Variants in ABCC4 observed in about 807,000 individuals in gnomAD.
ABCC4 encodes the protein ATP binding cassette subfamily C member 4 (PEL blood group).
In ABCC4, 102 loss-of-function variants were observed where a neutral mutation model predicts 168.5. That is an observed-to-expected ratio of 0.61 (90% CI 0.52 to 0.71). The LOEUF is 0.71. ABCC4 is among the 30% of genes least tolerant of loss of function. ABCC4 has a pLI of 0.00. For synonymous variants in ABCC4, 617 were observed against 590.7 expected, an observed-to-expected ratio of 1.04 and a Z score of -0.65; for missense variants, 1,402 against 1,605.8, an observed-to-expected ratio of 0.87 and a Z score of 2.17.
At chr13:95,083,014 T>G in intron 21 of ABCC4, 126 bp downstream of exon 21, 2 of 1,085,860 alleles carry the variant, frequency 1.8e-6, no homozygotes, top group Non-Finnish European at 2.7e-6. Flanking sequence ...GCCAATACGT[T>G]CAATTACCTA....
chr13:95,184,884 C>G (rs4148488), intron 11 of ABCC4, among the ~76,000 whole-genome samples: 14,934 of 152,196 alleles, frequency 0.098, 937 homozygotes, highest in East Asian at 0.21. Context: ...AATTTGCCAT[C>G]TGTTTCTCAA....
At chr13:95,210,130 T>A (rs915586342) in intron 5 of ABCC4, among the ~76,000 whole-genome samples, 1 of 152,230 alleles carries the variant, frequency 6.6e-6, no homozygotes, top group Non-Finnish European at 1.5e-5. Context: ...AAAATGAATA[T>A]GGCCAGCAGC....
intron 13 of ABCC4, among the ~76,000 whole-genome samples, chr13:95,175,544 G>A (rs1384590564): frequency 1.3e-5 from 2 of 152,140 alleles, no homozygotes; most frequent in African/African-American, 4.8e-5. Context: ...AACTCCTCAG[G>A]TGATCTGCCT....
intron 29 of ABCC4, 27 bp from the exon 30 acceptor site, chr13:95,034,766 T>C (rs1442074790): frequency 1.2e-6 from 2 of 1,613,614 alleles, no homozygotes; most frequent in East Asian, 2.2e-5. Flanking sequence ...AGAAACCCAT[T>C]GAAACACAAT....
chr13:95,273,360 C>T (rs755831724), intron 1 of ABCC4, among the ~76,000 whole-genome samples: 10 of 152,142 alleles, frequency 6.6e-5, no homozygotes, highest in African/African-American at 2.2e-4. Context: ...CCTGGATGGG[C>T]GTGGGGTCCC....
chr13:95,078,857 G>C (rs904240131), intron 21 of ABCC4, among the ~76,000 whole-genome samples: 2 of 152,090 alleles, frequency 1.3e-5, no homozygotes, highest in Non-Finnish European at 2.9e-5. Flanking sequence ...CAGAGTCCTG[G>C]AATGAAATTC....
At chr13:95,059,754 T>C (rs1455833851) in intron 26 of ABCC4, among the ~76,000 whole-genome samples, 2 of 152,212 alleles carry the variant, frequency 1.3e-5, no homozygotes, top group African/African-American at 4.8e-5. Flanking sequence ...CAAGTCCTTC[T>C]AGAATAGCGA....
At position 95,277,034 on chromosome 13, in the gene ABCC4, C is replaced by T. The variant is rs149249181; in HGVS notation, c.74+24207G>A. On this transcript the variant is annotated intron_variant, in intron 1 of 30. Coordinates refer to ENST00000645237, the MANE Select transcript of ABCC4 (RefSeq NM_005845.5). ...ACTCAGTCTCAAAAATAAATAAATA[C>T]AATAAATAAATAAACAAAGTATACA... Among the ~76,000 whole-genome samples, 1,341 of 152,166 alleles carry T rather than the reference C, an allele frequency of 8.8e-3. 13 individuals carry two copies. The highest frequency in any genetic ancestry group is 0.015 in the Non-Finnish European group (995 of 67,978).
chr13:95,240,170 G>A (rs188303646), intron 3 of ABCC4, among the ~76,000 whole-genome samples: 1 of 152,202 alleles, frequency 6.6e-6, no homozygotes, highest in Non-Finnish European at 1.5e-5. Flanking sequence ...GTCACAAGAG[G>A]GGAGGAGGGA....
chr13:95,188,813 A>G (rs533094983), intron 9 of ABCC4, among the ~76,000 whole-genome samples: 2 of 152,316 alleles, frequency 1.3e-5, no homozygotes, highest in South Asian at 4.1e-4. Flanking sequence ...CTTCCACAAA[A>G]TTTAGATAGT....
At chr13:95,187,951 G>T (rs1000496398) in intron 10 of ABCC4, among the ~76,000 whole-genome samples, 1 of 152,156 alleles carries the variant, frequency 6.6e-6, no homozygotes, top group Non-Finnish European at 1.5e-5. Flanking sequence ...CTTCTGGAGG[G>T]CAGTGGCGTC....
intron 19 of ABCC4, among the ~76,000 whole-genome samples, chr13:95,121,224 G>A (rs2035560159): frequency 6.6e-6 from 1 of 152,032 alleles, no homozygotes; most frequent in Non-Finnish European, 1.5e-5. Flanking sequence ...CTATAAAATG[G>A]AGCTGATGAT....
chr13:95,199,319 G>A (rs993294743), intron 8 of ABCC4, among the ~76,000 whole-genome samples: 25 of 152,118 alleles, frequency 1.6e-4, no homozygotes, highest in African/African-American at 4.6e-4. Flanking sequence ...ACACATCCAC[G>A]AGAGGCAAGG....
chr13:95,123,254 C>A (rs553200260), intron 19 of ABCC4, among the ~76,000 whole-genome samples: 2 of 152,164 alleles, frequency 1.3e-5, no homozygotes, highest in Non-Finnish European at 2.9e-5. Flanking sequence ...TGCTGCTCAC[C>A]CATCAGGTAA....
At position 95,135,423 on chromosome 13, in the gene ABCC4, T is replaced by G. The variant is rs925314728; in HGVS notation, c.2456-19422A>C. ...ATAATAATGTCCATAATTCTTTTTT[T>G]TTTTTTTTTGAGAGGGTCTTGCTCT... On this transcript the variant is annotated intron_variant, in intron 19 of 30. Coordinates refer to ENST00000645237, the MANE Select transcript of ABCC4 (RefSeq NM_005845.5). Among the ~76,000 whole-genome samples the G allele has an allele frequency of 4.6e-5, 7 of 151,796 alleles. No homozygotes were observed. In the East Asian group the frequency reaches 1.2e-3, roughly 25 times the overall value.
chr13:95,188,070 T>C (rs927587231), intron 10 of ABCC4, among the ~76,000 whole-genome samples: 3 of 152,200 alleles, frequency 2.0e-5, no homozygotes, highest in Non-Finnish European at 4.4e-5. Flanking sequence ...TATCAAAACA[T>C]GTTTAAAGCT....
intron 19 of ABCC4, among the ~76,000 whole-genome samples, chr13:95,155,660 A>T (rs190139501): frequency 6.6e-6 from 1 of 152,296 alleles, no homozygotes; most frequent in Admixed American, 6.5e-5. Context: ...CCACGCACAC[A>T]CTGGAGAAAA....
intron 19 of ABCC4, among the ~76,000 whole-genome samples, chr13:95,137,666 G>C (rs957149918): frequency 3.9e-5 from 6 of 152,088 alleles, no homozygotes; most frequent in South Asian, 2.1e-4. Context: ...TTCGAAAGAT[G>C]GGGGGGAACT....
In ABCC4 at chr13:95,071,782, G is replaced by C; in HGVS notation, c.3090C>G (p.Arg1030=). ...EKEAPWEYQK[R]PPPAWPHEGV... is the part of the protein sequence containing the mutation. ...CTTCATGGGGCCAGGCTGGTGGTGG[G>C]CGTTTCTGATATTCCCAAGGTGCTT... Residue 1030 remains arginine (R), a synonymous_variant, in exon 25 of 31, where the codon CGC becomes CGG. Coordinates refer to ENST00000645237, the MANE Select transcript of ABCC4 (RefSeq NM_005845.5). 1 of 1,608,152 alleles carries C rather than the reference G, an allele frequency of 6.2e-7. No individual in the cohort carries two copies. Among genetic ancestry groups the C allele is most frequent in the Non-Finnish European group, 8.5e-7 (1 of 1,177,286 alleles).
Sources: gnomAD v4.1 joint callset for allele counts (sites outside exome capture counted in the v4.1 genomes callset) on GRCh38, gnomAD v4.1.1 for gene constraint, MANE v1.5 for transcripts, NCBI Gene and HGNC (gene_info 2026-07-23, HGNC 2026-07-21) for gene names.